Variants in ESRP1 observed in about 807,000 individuals in gnomAD.
ESRP1 encodes the protein epithelial splicing regulatory protein 1, also known as RNA-binding motif protein 35A.
Under a neutral mutation model 81.7 loss-of-function variants are expected in ESRP1, and 33 were observed. The observed-to-expected ratio is 0.40, with a 90% confidence interval of 0.31 to 0.54. The LOEUF is 0.54. Ranked by LOEUF, ESRP1 falls within the 20% of genes least tolerant of loss-of-function variation. ESRP1 has a pLI of 0.41. For synonymous variants in ESRP1, 320 were observed against 303.3 expected (o/e 1.06, Z -0.57); for missense variants, 672 against 833.1 (o/e 0.81, Z 2.38).
intron 4 of ESRP1, among the ~76,000 whole-genome samples, chr8:94,656,901 G>C (rs1809565623): frequency 6.6e-6 from 1 of 152,188 alleles, no homozygotes; most frequent in African/African-American, 2.4e-5. Flanking sequence ...AACCAGATGT[G>C]ACCATTTTTA....
chr8:94,705,771 A>T, intron 15 of ESRP1, 154 bp from the exon 16 acceptor site: 1 of 675,858 alleles, frequency 1.5e-6, no homozygotes, highest in South Asian at 2.0e-5. Flanking sequence ...TGTAAATGCC[A>T]ACTATGTCTG....
In ESRP1 at chr8:94,662,592, CTTG is replaced by C. The variant is rs770272551; in HGVS notation, c.644+40_644+42del. 7 of 1,366,482 alleles carry C rather than the reference CTTG, an allele frequency of 5.1e-6. No individual in the cohort carries two copies. In the South Asian group the frequency reaches 9.4e-5, roughly 18 times the overall value. The allele number at this position is 1,366,482 out of a possible 1,614,324, so 84.6% of individuals were successfully genotyped here. ...AGTACTATTTATTTGAGCTTTTTAA[CTTG>C]TTTTTTTTTTTTGTCTGTTTGTTTG... On this transcript the variant is annotated intron_variant, in intron 6 of 15. Coordinates refer to ENST00000433389, the MANE Select transcript of ESRP1 (RefSeq NM_017697.4).
chr8:94,678,325 C>G lies in ESRP1; in HGVS notation c.1774C>G (p.Pro592Ala). 1 of 1,613,980 alleles carries G rather than the reference C, an allele frequency of 6.2e-7. No individual in the cohort carries two copies. The highest frequency in any genetic ancestry group is 8.5e-7 in the Non-Finnish European group (1 of 1,179,894). The change falls in exon 13 of 16, where the codon CCA becomes GCA. Residue 592 changes from proline (P) to alanine (A), a missense_variant. Pro to Ala is a conservative substitution (Grantham distance 27). Transcript: ENST00000433389. ...ACTGCAGCCCTCCACAGCGTACTAC[C>G]CAGCAGGCACTCAGCTCTTCATGAA... ...RALQPSTAYY[P>A]AGTQLFMNYT...
chr8:94,662,390 T>A lies in ESRP1; in HGVS notation c.589+20T>A. On this transcript the variant is annotated intron_variant, in intron 5 of 15. Transcript: ENST00000433389. ...CTTATAGTAAGTATTGCTTTTATAG[T>A]AGTGCAGTCCCAGAATTCATACTAT... The A allele has an allele frequency of 6.5e-7, 1 of 1,538,984 alleles. No homozygotes were observed. Among genetic ancestry groups the A allele is most frequent in the Non-Finnish European group, 8.8e-7 (1 of 1,130,674 alleles).
intron 4 of ESRP1, among the ~76,000 whole-genome samples, chr8:94,661,666 T>A (rs577038688): frequency 6.6e-6 from 1 of 152,360 alleles, no homozygotes; most frequent in East Asian, 1.9e-4. Flanking sequence ...CACATTGGCC[T>A]GTGTTGGCTC....
chr8:94,705,846 T>A lies in ESRP1; in HGVS notation c.*36-79T>A, dbSNP rs968712855. The A allele has an allele frequency of 4.8e-5, 61 of 1,278,826 alleles. No homozygotes were observed. The African/African-American group carries it at 7.8e-4, about 16-fold the overall frequency. The allele number at this position is 1,278,826 out of a possible 1,614,324, so 79.2% of individuals were successfully genotyped here. ...CACAAAGTCCTTGTGGAATTTGAAA[T>A]CATTTTTGTGGCTGCTGAGAATGAC... On this transcript the variant is annotated intron_variant, in intron 15 of 15. Transcript: ENST00000433389.
At chr8:94,682,452 G>T (rs745339628) in intron 13 of ESRP1, among the ~76,000 whole-genome samples, 18 of 152,002 alleles carry the variant, frequency 1.2e-4, no homozygotes, top group Non-Finnish European at 2.6e-4. Flanking sequence ...CTGCAGCCTT[G>T]ATCTCCCAGG....
chr8:94,650,035 C>T lies in ESRP1; in HGVS notation c.490+3753C>T, dbSNP rs550318170. 6.6e-5 allele frequency among the ~76,000 whole-genome samples: 10 copies of T among 152,232 alleles called. No homozygotes were observed. In the South Asian group the frequency reaches 1.2e-3, roughly 19 times the overall value. On this transcript the variant is annotated intron_variant, in intron 4 of 15. Coordinates refer to ENST00000433389, the MANE Select transcript of ESRP1 (RefSeq NM_017697.4). Reference sequence around the variant, plus strand: ...CCTTCCCTTCCTCTCCTTCTCTCCCCGTGCCCCCTCACTGTGAAAGTGCTG... The same window carrying T: ...CCTTCCCTTCCTCTCCTTCTCTCCCTGTGCCCCCTCACTGTGAAAGTGCTG...
chr8:94,671,959 C>T (rs1158407108), intron 11 of ESRP1, among the ~76,000 whole-genome samples: 2 of 152,026 alleles, frequency 1.3e-5, no homozygotes, highest in African/African-American at 2.4e-5. Flanking sequence ...ATAATGCTGT[C>T]GTTAGTATAA....
At chr8:94,657,472 C>CGT (rs9297944) in intron 4 of ESRP1, among the ~76,000 whole-genome samples, 17,561 of 145,950 alleles carry the variant, frequency 0.12, 1,095 homozygotes, top group African/African-American at 0.14. Context: ...AGGCTGTGTG[C>CGT]GTGTGTGTGT....
intron 15 of ESRP1, among the ~76,000 whole-genome samples, chr8:94,700,417 TGA>T (rs942799379): frequency 3.9e-5 from 6 of 151,972 alleles, no homozygotes; most frequent in Non-Finnish European, 8.8e-5. Flanking sequence ...GAGGCAGAGA[TGA>T]GAGAGCTGTT....
intron 13 of ESRP1, among the ~76,000 whole-genome samples, chr8:94,692,304 A>G (rs761997157): frequency 5.3e-5 from 8 of 151,900 alleles, no homozygotes; most frequent in South Asian, 2.1e-4. Flanking sequence ...AGTTCTTTGT[A>G]TACGTGCCTC....
chr8:94,699,255 A>G (rs919724196), intron 15 of ESRP1, among the ~76,000 whole-genome samples: 17 of 152,196 alleles, frequency 1.1e-4, no homozygotes, highest in African/African-American at 4.1e-4. Flanking sequence ...ATGACAGAAT[A>G]ACAGATCGGG....
At chr8:94,673,570 G>A (rs997825349) in intron 11 of ESRP1, among the ~76,000 whole-genome samples, 6 of 152,160 alleles carry the variant, frequency 3.9e-5, no homozygotes, top group Admixed American at 2.0e-4. Flanking sequence ...AAACTAAGGC[G>A]TTCTACCTCT....
chr8:94,665,211 C>T lies in ESRP1; in HGVS notation c.931+15C>T. ...AATTGCTGGTGGTAAGTGCCTTTTA[C>T]ATAATGTGGCTTTAGTTAATAAGAA... On this transcript the variant is annotated intron_variant, in intron 9 of 15. Transcript: ENST00000433389. 1.2e-6 allele frequency: 2 copies of T among 1,610,068 alleles called. No homozygotes were observed. Among genetic ancestry groups the T allele is most frequent in the Non-Finnish European group, 1.7e-6 (2 of 1,178,134 alleles).
At chr8:94,643,699 T>C (rs923360136) in intron 3 of ESRP1, among the ~76,000 whole-genome samples, 1 of 152,212 alleles carries the variant, frequency 6.6e-6, no homozygotes, top group Admixed American at 6.5e-5. Context: ...AGATACTCTT[T>C]GGTGACTTAA....
At chr8:94,695,394 G>A (rs546817934) in intron 14 of ESRP1, among the ~76,000 whole-genome samples, 20 of 109,102 alleles carry the variant, frequency 1.8e-4, no homozygotes, top group Admixed American at 4.5e-4. Flanking sequence ...TCACTCTGTC[G>A]CCCAGGCTGG....
intron 12 of ESRP1, among the ~76,000 whole-genome samples, chr8:94,675,984 C>T (rs186362405): frequency 3.7e-4 from 56 of 152,252 alleles, no homozygotes; most frequent in African/African-American, 1.3e-3. Flanking sequence ...TATGCAACTT[C>T]TTAAAGTTTG....
At chr8:94,703,093 C>T (rs1809904202) in intron 15 of ESRP1, among the ~76,000 whole-genome samples, 1 of 146,134 alleles carries the variant, frequency 6.8e-6, no homozygotes. Flanking sequence ...ACATTATCTC[C>T]TTCTGAGATT....
Sources: gnomAD v4.1 joint callset for allele counts (sites outside exome capture counted in the v4.1 genomes callset) on GRCh38, gnomAD v4.1.1 for gene constraint, MANE v1.5 for transcripts, NCBI Gene and HGNC (gene_info 2026-07-23, HGNC 2026-07-21) for gene names.